NAALADL2: variants seen among roughly 807,000 people sequenced by gnomAD.
The protein encoded by NAALADL2 is N-acetylated alpha-linked acidic dipeptidase like 2.
A neutral mutation model predicts 87.2 loss-of-function variants in NAALADL2; 76 were observed. That is an observed-to-expected ratio of 0.87 (90% CI 0.72 to 1.05). The LOEUF is 1.05. Among genes scored for constraint, NAALADL2 ranks in the 50% least tolerant of loss-of-function variants. The pLI is 0.00. For synonymous variants in NAALADL2, 354 were observed against 331.0 expected (o/e 1.07, Z -0.75); for missense variants, 1,089 against 945.8 (o/e 1.15, Z -1.99).
chr3:174,797,292 G>GTTTTTCTTTTTTC (rs1560234114), intron 3 of NAALADL2, among the ~76,000 whole-genome samples: 3 of 109,658 alleles, frequency 2.7e-5, no homozygotes, highest in Middle Eastern at 5.0e-3. Context: ...TTTTTCTTTT[G>GTTTTTCTTTTTTC]TTTTTCTTTT....
At chr3:175,563,587 T>C (rs1262293323) in intron 9 of NAALADL2, among the ~76,000 whole-genome samples, 1 of 152,210 alleles carries the variant, frequency 6.6e-6, no homozygotes, top group Non-Finnish European at 1.5e-5. Flanking sequence ...ATAAGTGGAT[T>C]GACCTCCGTT....
chr3:175,520,859 C>A (rs1178577599), intron 9 of NAALADL2, among the ~76,000 whole-genome samples: 16 of 152,124 alleles, frequency 1.1e-4, no homozygotes, highest in African/African-American at 3.6e-4. Context: ...GTGAAAAATC[C>A]TCTGCCATTT....
rs181239923 is a variant in NAALADL2 at position 174,692,100 on chromosome 3, A to G, written c.-114-45541A>G. ...ATGAATGTTCTTAATGGCATCTTGA[A>G]TGGCGAATATTGTACAGAAAGTTTT... On this transcript the variant is annotated intron_variant, in intron 2 of 3. Coordinates refer to the NAALADL2 transcript ENST00000434257. The G allele has an allele frequency of 1.1e-4, 16 of 152,330 alleles. No individual in the cohort carries two copies. The East Asian group carries it at 2.9e-3, about 28-fold the overall frequency. 9.4% of individuals were successfully genotyped at this position (152,330 alleles called of 1,614,324 possible).
chr3:175,050,116 G>A (rs9867333), intron 1 of NAALADL2, among the ~76,000 whole-genome samples: 49,137 of 151,950 alleles, frequency 0.32, 8,107 homozygotes, highest in Middle Eastern at 0.46. Flanking sequence ...GTGTGTGAGT[G>A]TGCCCTGGGA....
intron 1 of NAALADL2, among the ~76,000 whole-genome samples, chr3:175,073,042 G>T (rs934920628): frequency 1.3e-5 from 2 of 151,992 alleles, no homozygotes; most frequent in African/African-American, 4.8e-5. Flanking sequence ...TTCCTAAAGT[G>T]TTGTGCCCAT....
chr3:175,110,305 TATG>T (rs530772422), intron 2 of NAALADL2, among the ~76,000 whole-genome samples: 159 of 151,808 alleles, frequency 1.0e-3, no homozygotes, highest in African/African-American at 3.7e-3. Flanking sequence ...ACAATTATGA[TATG>T]ATGACCAGTG....
At chr3:175,732,285 A>T (rs1322645429) in intron 11 of NAALADL2, among the ~76,000 whole-genome samples, 1 of 152,220 alleles carries the variant, frequency 6.6e-6, no homozygotes, top group African/African-American at 2.4e-5. Context: ...GCATAGGATT[A>T]CGCAATAACT....
intron 10 of NAALADL2, among the ~76,000 whole-genome samples, chr3:175,579,786 G>C (rs1450966475): frequency 6.6e-6 from 1 of 152,256 alleles, no homozygotes; most frequent in Middle Eastern, 3.4e-3. Context: ...GTGATCCAAT[G>C]CACATTTCCT....
intron 1 of NAALADL2, among the ~76,000 whole-genome samples, chr3:174,948,946 G>T (rs1208017805): frequency 6.6e-6 from 1 of 152,146 alleles, no homozygotes; most frequent in Admixed American, 6.5e-5. Flanking sequence ...TCAAGGTGCT[G>T]GTGAATTTGA....
intron 11 of NAALADL2, among the ~76,000 whole-genome samples, chr3:175,634,091 C>T (rs1251233491): frequency 6.6e-6 from 1 of 151,686 alleles, no homozygotes; most frequent in African/African-American, 2.4e-5. Flanking sequence ...TACTTTATAG[C>T]TATACATTTT....
At chr3:175,119,653 T>C (rs111970862) in intron 2 of NAALADL2, among the ~76,000 whole-genome samples, 8 of 144,132 alleles carry the variant, frequency 5.6e-5, no homozygotes, top group African/African-American at 2.0e-4. Flanking sequence ...TTTAGTTTGT[T>C]TAACTTGAAG....
At chr3:175,059,286 A>C (rs1187403321) in intron 1 of NAALADL2, 1 of 151,714 alleles carries the variant, frequency 6.6e-6, no homozygotes, top group Non-Finnish European at 1.5e-5. Flanking sequence ...TGTCAATAGG[A>C]GACTTTGAGC....
chr3:175,707,263 G>A (rs1739845527), intron 11 of NAALADL2, among the ~76,000 whole-genome samples: 1 of 152,090 alleles, frequency 6.6e-6, no homozygotes, highest in Admixed American at 6.6e-5. Flanking sequence ...ATATGACACT[G>A]AATAGACATA....
intron 3 of NAALADL2, among the ~76,000 whole-genome samples, chr3:174,779,411 C>G (rs1200799224): frequency 6.6e-6 from 1 of 152,024 alleles, no homozygotes; most frequent in East Asian, 1.9e-4. Context: ...AAATGTTCTC[C>G]CATTCTGTAG....
At chr3:174,884,042 G>A (rs1560321764) in intron 1 of NAALADL2, among the ~76,000 whole-genome samples, 1 of 152,114 alleles carries the variant, frequency 6.6e-6, no homozygotes, top group Non-Finnish European at 1.5e-5. Flanking sequence ...GGAGGAGCCC[G>A]AAGAGTCCAG....
intron 2 of NAALADL2, among the ~76,000 whole-genome samples, chr3:174,679,534 T>C (rs1052832892): frequency 2.0e-4 from 30 of 152,150 alleles, no homozygotes; most frequent in African/African-American, 7.0e-4. Flanking sequence ...TGTATTTCTA[T>C]TGAATATTGC....
intron 9 of NAALADL2, among the ~76,000 whole-genome samples, chr3:175,535,444 G>A (rs1012806052): frequency 6.6e-6 from 1 of 152,222 alleles, no homozygotes; most frequent in Middle Eastern, 3.4e-3. Context: ...GTCTTGCTCG[G>A]TTTATTTGAC....
In NAALADL2 at chr3:175,256,398, T is replaced by C. The variant is rs1749948117; in HGVS notation, c.820-13T>C. On this transcript the variant is annotated splice_polypyrimidine_tract_variant and intron_variant, in intron 3 of 13. Coordinates refer to ENST00000454872, the MANE Select transcript of NAALADL2 (RefSeq NM_207015.3). The stretch of plus-strand genomic sequence containing the variant: ...TGAGGCTTTATTTTTCTTTGTTTTT[T>C]CTCCTCTTTCAGGCTGAAGTCATCG... The C allele has an allele frequency of 3.8e-6, 6 of 1,594,870 alleles. No individual in the cohort carries two copies. The highest frequency in any genetic ancestry group is 4.3e-6 in the Non-Finnish European group (5 of 1,173,716).
At chr3:175,673,190 T>C (rs1289024006) in intron 11 of NAALADL2, among the ~76,000 whole-genome samples, 4 of 152,190 alleles carry the variant, frequency 2.6e-5, no homozygotes, top group Non-Finnish European at 5.9e-5. Context: ...GGCAGAGTAA[T>C]TTATATCCTC....
Sources: gnomAD v4.1 joint callset for allele counts (sites outside exome capture counted in the v4.1 genomes callset) on GRCh38, gnomAD v4.1.1 for gene constraint, MANE v1.5 for transcripts, NCBI Gene and HGNC (gene_info 2026-07-23, HGNC 2026-07-21) for gene names.